Variants in OR3A2 observed in about 807,000 individuals in gnomAD.
The protein encoded by OR3A2 is olfactory receptor family 3 subfamily A member 2, also known as olfactory receptor 3A2.
For missense variants in OR3A2, 318 were observed against 392.8 expected (o/e 0.81, Z 1.61); for synonymous variants, 126 against 159.3 (o/e 0.79, Z 1.57).
intron 2 of OR3A2, among the ~76,000 whole-genome samples, chr17:3,372,779 G>A (rs962478000): frequency 1.4e-4 from 21 of 151,322 alleles, no homozygotes; most frequent in Non-Finnish European, 4.4e-5. Context: ...CAGCAGTACA[G>A]TCCAGCTTCG....
chr17:3,380,230 T>C (rs998501240), intron 2 of OR3A2, among the ~76,000 whole-genome samples: 12 of 152,096 alleles, frequency 7.9e-5, no homozygotes, highest in Non-Finnish European at 1.2e-4. Context: ...AGAAGAATCA[T>C]GGCAGAAAGG....
intron 3 of OR3A2, among the ~76,000 whole-genome samples, chr17:3,322,504 C>A (rs1164122225): frequency 4.6e-5 from 7 of 152,134 alleles, no homozygotes; most frequent in African/African-American, 1.7e-4. Flanking sequence ...CTCTTGTGGG[C>A]ATTTAGTGCT....
intron 3 of OR3A2, among the ~76,000 whole-genome samples, chr17:3,333,940 C>G (rs185948971): frequency 6.6e-6 from 1 of 152,164 alleles, no homozygotes; most frequent in Non-Finnish European, 1.5e-5. Flanking sequence ...AAAAAGTGGG[C>G]AAAGGACATG....
chr17:3,345,739 A>G (rs1009922461), intron 2 of OR3A2, among the ~76,000 whole-genome samples: 2 of 152,204 alleles, frequency 1.3e-5, no homozygotes, highest in African/African-American at 4.8e-5. Flanking sequence ...TAACATCTGA[A>G]GAATAAAAAT....
At chr17:3,291,341 A>C in intron 3 of OR3A2, 1 of 301,494 alleles carries the variant, frequency 3.3e-6, no homozygotes, top group East Asian at 5.5e-5. Context: ...TCCTTCTGGA[A>C]CATGAACCTG....
intron 2 of OR3A2, among the ~76,000 whole-genome samples, chr17:3,372,832 GGGA>G (rs1245436057): frequency 7.8e-6 from 1 of 127,434 alleles, no homozygotes; most frequent in Non-Finnish European, 1.6e-5. Context: ...GAGAGGGAGA[GGGA>G]GGAGAAGGAG....
chr17:3,327,058 G>A lies in OR3A2; in HGVS notation c.-85+8975C>T, dbSNP rs1427171875. Among the ~76,000 whole-genome samples, 6 of 81,956 alleles carry A rather than the reference G, an allele frequency of 7.3e-5. 2 individuals are homozygous for A. Among genetic ancestry groups the A allele is most frequent in the Non-Finnish European group, 1.3e-4 (6 of 47,668 alleles). 53.8% of individuals were successfully genotyped at this position (81,956 alleles called of 152,430 possible). A position where few individuals can be genotyped will look rare whatever the true frequency, so the allele number is the denominator to read the frequency against. On this transcript the variant is annotated intron_variant, in intron 3 of 4. Coordinates refer to the OR3A2 transcript ENST00000573491. ...TAGCAGCATGATTTATAATCCTTTG[G>A]GTATATATACCCAGTCATGGGATGG...
intron 3 of OR3A2, among the ~76,000 whole-genome samples, chr17:3,326,808 G>GT (rs1309271507): frequency 2.9e-5 from 4 of 138,852 alleles, no homozygotes; most frequent in African/African-American, 1.1e-4. Context: ...GCAGTGTTTG[G>GT]TTTTTTGTTC....
chr17:3,300,502 T>C (rs1443195595), intron 3 of OR3A2, among the ~76,000 whole-genome samples: 1 of 152,138 alleles, frequency 6.6e-6, no homozygotes, highest in Non-Finnish European at 1.5e-5. Context: ...GAGGTTGCAG[T>C]GAGCTGAGAT....
intron 3 of OR3A2, among the ~76,000 whole-genome samples, chr17:3,323,341 C>T (rs1012103955): frequency 1.3e-5 from 2 of 152,070 alleles, no homozygotes; most frequent in African/African-American, 2.4e-5. Context: ...TTAATTGGAG[C>T]ATTTAGTCTA....
intron 2 of OR3A2, among the ~76,000 whole-genome samples, chr17:3,372,755 G>A (rs908369841): frequency 1.3e-5 from 2 of 151,854 alleles, no homozygotes; most frequent in South Asian, 2.1e-4. Flanking sequence ...GGAGGTTGCA[G>A]TGAGCCGAGA....
intron 2 of OR3A2, among the ~76,000 whole-genome samples, chr17:3,368,344 C>T (rs1413588355): frequency 6.6e-6 from 1 of 152,112 alleles, no homozygotes; most frequent in African/African-American, 2.4e-5. Flanking sequence ...CCAATGTTAT[C>T]TTCTGGAATT....
At chr17:3,289,805 C>T (rs748268845) in intron 3 of OR3A2, among the ~76,000 whole-genome samples, 9 of 152,166 alleles carry the variant, frequency 5.9e-5, no homozygotes, top group East Asian at 3.9e-4. Flanking sequence ...TCTTCCCCAA[C>T]GGTCTTCTTG....
intron 2 of OR3A2, among the ~76,000 whole-genome samples, chr17:3,353,248 C>T (rs559603634): frequency 6.6e-6 from 1 of 151,712 alleles, no homozygotes; most frequent in Admixed American, 6.6e-5. Flanking sequence ...AATCTTTGCC[C>T]AATAGTTCTA....
intron 2 of OR3A2, among the ~76,000 whole-genome samples, chr17:3,350,637 T>G (rs1264811260): frequency 6.7e-6 from 1 of 150,170 alleles, no homozygotes; most frequent in East Asian, 2.0e-4. Context: ...CTTCTGAAAC[T>G]ATTCCAATCA....
At chr17:3,327,688 A>T (rs1173029471) in intron 3 of OR3A2, among the ~76,000 whole-genome samples, 2 of 121,992 alleles carry the variant, frequency 1.6e-5, no homozygotes, top group African/African-American at 3.5e-5. Context: ...TTATGGTTTT[A>T]GGTCTAACGT....
At chr17:3,355,137 T>A (rs2049454823) in intron 2 of OR3A2, among the ~76,000 whole-genome samples, 1 of 151,520 alleles carries the variant, frequency 6.6e-6, no homozygotes. Context: ...GATTTCTACT[T>A]TTATTCCATT....
At chr17:3,326,274 A>G (rs1055233893) in intron 3 of OR3A2, among the ~76,000 whole-genome samples, 6 of 152,166 alleles carry the variant, frequency 3.9e-5, no homozygotes, top group African/African-American at 1.4e-4. Context: ...TCTTTATAAT[A>G]GAATGATTTC....
chr17:3,323,568 C>G lies in OR3A2; in HGVS notation c.-85+12465G>C, dbSNP rs1210560072. 2.6e-5 allele frequency among the ~76,000 whole-genome samples: 4 copies of G among 152,196 alleles called. No homozygotes were observed. In the East Asian group the frequency reaches 7.7e-4, roughly 29 times the overall value. ...TGCAGGCCTGGTGGTGACAAAATCTCTCAGCATTTGCTTGTCTGTAAAGGG... is the reference window on the plus strand; with the variant it reads ...TGCAGGCCTGGTGGTGACAAAATCTGTCAGCATTTGCTTGTCTGTAAAGGG... On this transcript the variant is annotated intron_variant, in intron 3 of 4. Coordinates refer to the OR3A2 transcript ENST00000573491.
Sources: allele counts gnomAD v4.1 joint callset (sites outside exome capture counted in the v4.1 genomes callset), GRCh38; gene constraint gnomAD v4.1.1; transcripts MANE v1.5; gene names NCBI Gene and HGNC (gene_info 2026-07-23, HGNC 2026-07-21).